Variants in NEBL observed in about 807,000 individuals in gnomAD.
The protein encoded by NEBL is LIM and SH3 protein 2.
Under a neutral mutation model 140.2 loss-of-function variants are expected in NEBL, and 122 were observed. The ratio of observed to expected loss-of-function variants is 0.87; its 90% CI spans 0.75 to 1.01. The LOEUF (loss-of-function observed/expected upper bound fraction) is 1.01, where lower values mean the gene tolerates loss of function less well. NEBL is among the 50% of genes least tolerant of loss of function. The pLI, the probability that NEBL is intolerant of heterozygous loss-of-function variation, is 0.00. For synonymous variants in NEBL, 436 were observed against 398.9 expected (o/e 1.09, Z -1.11); for missense variants, 1,365 against 1,231.3 (o/e 1.11, Z -1.62).
At chr10:21,004,889 A>G (rs966865363) in intron 3 of NEBL, among the ~76,000 whole-genome samples, 3 of 152,218 alleles carry the variant, frequency 2.0e-5, no homozygotes, top group African/African-American at 7.2e-5. Context: ...ACTCACAGAA[A>G]GCATCTCACC....
intron 2 of NEBL, among the ~76,000 whole-genome samples, chr10:21,088,651 G>A (rs1217467163): frequency 6.6e-6 from 1 of 152,164 alleles, no homozygotes; most frequent in Admixed American, 6.6e-5. Context: ...TATAATGACT[G>A]TAAAAGACAG....
chr10:20,812,135 T>C (rs1018039791), intron 24 of NEBL, among the ~76,000 whole-genome samples: 2 of 152,138 alleles, frequency 1.3e-5, no homozygotes, highest in African/African-American at 4.8e-5. Flanking sequence ...CTGTTTTTGA[T>C]AAAAGGACCT....
At position 20,990,756 on chromosome 10, in the gene NEBL, T is replaced by C. The variant is rs150510299; in HGVS notation, c.250-28977A>G. Reference sequence around the variant, plus strand: ...TAGCAAAATGACATTTTTCTTTCTGTCTCACCCAGTGTGACTCAGTCACTA... The same window carrying C: ...TAGCAAAATGACATTTTTCTTTCTGCCTCACCCAGTGTGACTCAGTCACTA... On this transcript the variant is annotated intron_variant, in intron 3 of 6. Coordinates refer to the NEBL transcript ENST00000417816. Among the ~76,000 whole-genome samples, 662 of 152,338 alleles carry C rather than the reference T, an allele frequency of 4.3e-3. 6 individuals are homozygous for C. Among genetic ancestry groups the C allele is most frequent in the African/African-American group, 0.015 (623 of 41,574 alleles).
At chr10:20,815,940 TG>T in intron 21 of NEBL, 1 of 504,546 alleles carries the variant, frequency 2.0e-6, no homozygotes, top group East Asian at 3.8e-5. Flanking sequence ...GGCTAATTTT[TG>T]TATTTTTGTA....
chr10:21,193,320 T>G (rs1841603593), intron 3 of NEBL, among the ~76,000 whole-genome samples: 2 of 152,138 alleles, frequency 1.3e-5, no homozygotes. Flanking sequence ...AGAAAGTTGA[T>G]TATTGGTGGC....
chr10:20,915,723 C>T (rs569591711), intron 4 of NEBL, among the ~76,000 whole-genome samples: 142 of 152,178 alleles, frequency 9.3e-4, no homozygotes, highest in African/African-American at 3.3e-3. Flanking sequence ...CATACATGTG[C>T]ATGTGTCTTT....
At chr10:21,237,732 G>A (rs1842377278) in intron 3 of NEBL, among the ~76,000 whole-genome samples, 1 of 152,032 alleles carries the variant, frequency 6.6e-6, no homozygotes, top group Admixed American at 6.6e-5. Flanking sequence ...TCAGCCTCCT[G>A]AGTAGCTGAG....
At chr10:21,164,535 T>G (rs1564532872) in intron 2 of NEBL, among the ~76,000 whole-genome samples, 1 of 152,246 alleles carries the variant, frequency 6.6e-6, no homozygotes, top group Non-Finnish European at 1.5e-5. Flanking sequence ...AGAGATCTGC[T>G]GAGCTTCATC....
At position 21,041,876 on chromosome 10, in the gene NEBL, T is replaced by C. The variant is rs958856149; in HGVS notation, c.165-21675A>G. On this transcript the variant is annotated intron_variant, in intron 2 of 6. Transcript: ENST00000417816. Reference sequence around the variant, plus strand: ...ACCATATATAGTAATTTCCCGATGTTGTCATACATTTGTAAACTGTCATGG... The same window carrying C: ...ACCATATATAGTAATTTCCCGATGTCGTCATACATTTGTAAACTGTCATGG... Among the ~76,000 whole-genome samples the C allele has an allele frequency of 2.0e-5, 3 of 152,310 alleles. No homozygotes were observed. In the Middle Eastern group the frequency reaches 0.01, roughly 518 times the overall value.
At chr10:20,949,775 A>G (rs1420498582) in intron 4 of NEBL, among the ~76,000 whole-genome samples, 1 of 151,952 alleles carries the variant, frequency 6.6e-6, no homozygotes, top group Non-Finnish European at 1.5e-5. Flanking sequence ...TTATTTCCTT[A>G]TTTAAATGGC....
intron 2 of NEBL, among the ~76,000 whole-genome samples, chr10:21,083,479 A>G (rs1033875141): frequency 1.3e-5 from 2 of 152,114 alleles, no homozygotes; most frequent in Non-Finnish European, 2.9e-5. Context: ...TATTTTTGCA[A>G]TGCTTGAAGA....
At chr10:20,827,243 C>T (rs773239021) in intron 17 of NEBL, among the ~76,000 whole-genome samples, 6 of 152,136 alleles carry the variant, frequency 3.9e-5, no homozygotes, top group Non-Finnish European at 5.9e-5. Flanking sequence ...CAGTGGCCCC[C>T]GCGTGGGTGG....
intron 2 of NEBL, among the ~76,000 whole-genome samples, chr10:21,119,482 T>G (rs1838425977): frequency 8.0e-6 from 1 of 124,510 alleles, no homozygotes; most frequent in South Asian, 2.6e-4. Flanking sequence ...TATAGTTATA[T>G]TAATATACTG....
chr10:21,272,858 G>T (rs537840459), intron 1 of NEBL, among the ~76,000 whole-genome samples: 1 of 152,104 alleles, frequency 6.6e-6, no homozygotes, highest in African/African-American at 2.4e-5. Context: ...TTGCTTTATT[G>T]ATATTATGTC....
chr10:20,984,966 A>T (rs1023589331), intron 3 of NEBL, among the ~76,000 whole-genome samples: 1 of 152,174 alleles, frequency 6.6e-6, no homozygotes, highest in Non-Finnish European at 1.5e-5. Context: ...CTTGCCTCTT[A>T]TGAGAGTCTG....
At chr10:20,800,708 G>A (rs969368192) in intron 26 of NEBL, among the ~76,000 whole-genome samples, 4 of 130,476 alleles carry the variant, frequency 3.1e-5, no homozygotes, top group African/African-American at 5.8e-5. Flanking sequence ...GAGAGGTTGC[G>A]ATATTTGAAA....
intron 1 of NEBL, among the ~76,000 whole-genome samples, chr10:21,270,503 A>T (rs1842849100): frequency 1.3e-5 from 2 of 151,834 alleles, no homozygotes; most frequent in African/African-American, 4.8e-5. Context: ...TGTAGCTGGG[A>T]TTACAGGTGT....
rs1003917883 is a variant in NEBL, at chr10:21,173,390, G to T, written c.69+375C>A. The stretch of plus-strand genomic sequence containing the variant: ...GGGATCGCGGGCGGATCTGTGGGGC[G>T]GGGGGCGGGGGTATTGTGGAACACG... On this transcript the variant is annotated intron_variant, in intron 1 of 6. Coordinates refer to the NEBL transcript ENST00000417816. The surrounding 1 kb of genome is among the most constrained non-coding windows in gnomAD (Gnocchi z 5.7). 4.9e-5 allele frequency among the ~76,000 whole-genome samples: 7 copies of T among 141,602 alleles called. No individual in the cohort carries two copies. Among genetic ancestry groups the T allele is most frequent in the African/African-American group, 1.8e-4 (7 of 39,688 alleles). The allele number at this position is 141,602 out of a possible 152,430, so 92.9% of individuals were successfully genotyped here. A position where few individuals can be genotyped will look rare whatever the true frequency, so the allele number is the denominator to read the frequency against.
intron 3 of NEBL, among the ~76,000 whole-genome samples, chr10:20,963,039 C>CACACACACACAT (rs1253708759): frequency 8.6e-5 from 13 of 150,308 alleles, no homozygotes; most frequent in African/African-American, 3.2e-4. Context: ...CACACACACA[C>CACACACACACAT]ACACACACGG....
Sources: allele counts gnomAD v4.1 joint callset (sites outside exome capture counted in the v4.1 genomes callset), GRCh38; gene constraint gnomAD v4.1.1; non-coding constraint Gnocchi (gnomAD v3.1); transcripts MANE v1.5; gene names NCBI Gene and HGNC (gene_info 2026-07-23, HGNC 2026-07-21).